The following TASP1 variants were observed in gnomAD, a reference collection of about 807,000 sequenced individuals.
TASP1 encodes taspase 1.
In TASP1, 16 loss-of-function variants were observed where a neutral mutation model predicts 56.6. The observed-to-expected ratio is 0.28, with a 90% CI of 0.19 to 0.43. The LOEUF (loss-of-function observed/expected upper bound fraction) is 0.43, where lower values mean the gene tolerates loss of function less well. Among genes scored for constraint, TASP1 ranks in the 20% least tolerant of loss-of-function variants. TASP1 has a pLI of 1.00. For synonymous variants in TASP1, 179 were observed against 184.2 expected (o/e 0.97, Z 0.23); for missense variants, 393 against 511.6 (o/e 0.77, Z 2.24).
chr20:13,390,333 G>A lies in TASP1; in HGVS notation c.*27C>T. The A allele has an allele frequency of 1.9e-6, 3 of 1,605,638 alleles. No homozygotes were observed. The highest frequency in any genetic ancestry group is 1.1e-5 in the South Asian group (1 of 90,628). ...AAAGCTCAGGTTCTGAAATGCCTCT[G>A]AGACGCTTCACACTCAGCCTGAAGG... On this transcript the variant is annotated 3_prime_UTR_variant, in exon 14 of 14. Transcript: ENST00000337743.
intron 1 of TASP1, among the ~76,000 whole-genome samples, chr20:13,630,643 C>T (rs1344403229): frequency 2.2e-5 from 3 of 134,400 alleles, no homozygotes; most frequent in Admixed American, 8.3e-5. Flanking sequence ...GAGCCGAGAT[C>T]GCACCACTAC....
intron 8 of TASP1, among the ~76,000 whole-genome samples, chr20:13,545,073 G>A (rs1201579027): frequency 6.6e-6 from 1 of 151,894 alleles, no homozygotes; most frequent in Non-Finnish European, 1.5e-5. Context: ...TCACCAAATG[G>A]CCATATAATT....
At chr20:13,397,233 A>C (rs1311885482) in intron 13 of TASP1, among the ~76,000 whole-genome samples, 1 of 152,244 alleles carries the variant, frequency 6.6e-6, no homozygotes, top group Non-Finnish European at 1.5e-5. Flanking sequence ...CAGAAGAATG[A>C]AACATGGATC....
the TASP1 span, chr20:13,164,392 G>T: frequency 2.1e-6 from 1 of 475,992 alleles, no homozygotes; most frequent in South Asian, 1.5e-5. Context: ...AACTTCAAAT[G>T]CATTCTGCAA....
the TASP1 span, among the ~76,000 whole-genome samples, chr20:13,380,347 G>A: frequency 6.6e-6 from 1 of 152,194 alleles, no homozygotes; most frequent in Non-Finnish European, 1.5e-5. Context: ...CTGCAGGTCT[G>A]CTGGAGTTTG....
chr20:13,159,923 C>A, the TASP1 span: 1 of 1,431,346 alleles, frequency 7.0e-7, no homozygotes, highest in East Asian at 2.4e-5. Flanking sequence ...ATCAATTAGC[C>A]ATATTCCTTT....
chr20:13,440,180 T>C (rs1361000597), intron 11 of TASP1, among the ~76,000 whole-genome samples: 1 of 152,188 alleles, frequency 6.6e-6, no homozygotes, highest in Admixed American at 6.6e-5. Context: ...TAGAATTCTA[T>C]ATTCAGCCAA....
chr20:13,154,421 A>G, the TASP1 span, among the ~76,000 whole-genome samples: 16 of 152,274 alleles, frequency 1.1e-4, no homozygotes, highest in African/African-American at 3.4e-4. Context: ...TAAATTAAGC[A>G]CAATCCTGAG....
chr20:13,117,467 G>A, the TASP1 span: 1 of 1,522,164 alleles, frequency 6.6e-7, no homozygotes, highest in Non-Finnish European at 8.8e-7. Context: ...TTCCCAGGAG[G>A]GTATTTGTTA....
the TASP1 span, chr20:13,165,101 C>G: frequency 3.3e-6 from 1 of 302,770 alleles, no homozygotes. Context: ...ACTAGAAATA[C>G]ACACACACAC....
intron 11 of TASP1, among the ~76,000 whole-genome samples, chr20:13,436,313 T>G (rs1263273742): frequency 2.0e-5 from 3 of 151,338 alleles, no homozygotes; most frequent in Non-Finnish European, 2.9e-5. Flanking sequence ...AGAATGCCAT[T>G]ATTTTGTTTT....
chr20:13,585,336 G>A (rs896599463), intron 5 of TASP1, among the ~76,000 whole-genome samples: 7 of 152,062 alleles, frequency 4.6e-5, no homozygotes, highest in African/African-American at 1.7e-4. Flanking sequence ...AAAAGAAAAG[G>A]TTGCTAACTT....
intron 8 of TASP1, among the ~76,000 whole-genome samples, chr20:13,547,927 A>G (rs982530430): frequency 2.0e-5 from 3 of 152,322 alleles, no homozygotes; most frequent in Non-Finnish European, 4.4e-5. Flanking sequence ...TGGAAGATAA[A>G]GACATCAAAT....
At chr20:13,340,875 C>G in the TASP1 span, among the ~76,000 whole-genome samples, 1 of 152,170 alleles carries the variant, frequency 6.6e-6, no homozygotes, top group Non-Finnish European at 1.5e-5. Context: ...CTTTCATTAT[C>G]TCATTAATTG....
chr20:13,326,967 A>G, the TASP1 span, among the ~76,000 whole-genome samples: 3 of 152,218 alleles, frequency 2.0e-5, no homozygotes, highest in Non-Finnish European at 2.9e-5. Flanking sequence ...GGCCAGGACA[A>G]TCAGGAAGAG....
chr20:13,347,859 G>T, the TASP1 span, among the ~76,000 whole-genome samples: 27,409 of 141,996 alleles, frequency 0.19, 2,800 homozygotes, highest in African/African-American at 0.33. Flanking sequence ...AAAAAAAAAT[G>T]GATAATTTTT....
the TASP1 span, among the ~76,000 whole-genome samples, chr20:13,110,488 A>G: frequency 1.3e-5 from 2 of 152,138 alleles, no homozygotes; most frequent in East Asian, 1.9e-4. Context: ...ACTTGAGTTG[A>G]TCTTTCCACT....
At chr20:13,582,258 T>C (rs1450562245) in intron 5 of TASP1, among the ~76,000 whole-genome samples, 1 of 151,982 alleles carries the variant, frequency 6.6e-6, no homozygotes, top group African/African-American at 2.4e-5. Flanking sequence ...AAATCTTTAC[T>C]CCAACTTATA....
the TASP1 span, among the ~76,000 whole-genome samples, chr20:13,112,529 C>G: frequency 5.3e-5 from 8 of 152,206 alleles, no homozygotes; most frequent in Non-Finnish European, 1.2e-4. Flanking sequence ...GGAGGATCCA[C>G]TTGTATGTAT....
Sources: gnomAD v4.1 joint callset for allele counts (sites outside exome capture counted in the v4.1 genomes callset) on GRCh38, gnomAD v4.1.1 for gene constraint, MANE v1.5 for transcripts, NCBI Gene and HGNC (gene_info 2026-07-23, HGNC 2026-07-21) for gene names.